PRELID2: variants seen among roughly 807,000 people sequenced by gnomAD.
PRELID2 encodes the protein PRELI domain-containing protein 2.
In PRELID2, 25 loss-of-function variants were observed where a neutral mutation model predicts 28.4. The observed-to-expected ratio is 0.88, with a 90% CI of 0.64 to 1.23. The LOEUF (loss-of-function observed/expected upper bound fraction) is 1.23, where lower values mean the gene tolerates loss of function less well. PRELID2 is among the 50% of genes most tolerant of loss of function. The pLI is 0.00. For synonymous variants in PRELID2, 76 were observed against 71.6 expected (o/e 1.06, Z -0.31); for missense variants, 201 against 214.4 (o/e 0.94, Z 0.39).
chr5:145,690,431 T>C (rs1581061294), intron 1 of PRELID2, among the ~76,000 whole-genome samples: 1 of 152,156 alleles, frequency 6.6e-6, no homozygotes, highest in Non-Finnish European at 1.5e-5. Flanking sequence ...GTTTAGGTGA[T>C]CCAGTGAAAC....
At chr5:145,366,292 C>A in the PRELID2 span, among the ~76,000 whole-genome samples, 2 of 152,010 alleles carry the variant, frequency 1.3e-5, no homozygotes, top group South Asian at 4.1e-4. Context: ...GCTCCATATT[C>A]ATGTTTCTGC....
At chr5:145,399,198 G>A in the PRELID2 span, among the ~76,000 whole-genome samples, 3 of 152,098 alleles carry the variant, frequency 2.0e-5, no homozygotes, top group Non-Finnish European at 2.9e-5. Context: ...GTTATCTAGA[G>A]GATAGTCTGT....
the PRELID2 span, among the ~76,000 whole-genome samples, chr5:145,407,615 T>C: frequency 0.67 from 101,659 of 151,964 alleles, 34,504 homozygotes; most frequent in Non-Finnish European, 0.72. Context: ...TCTTGACGAA[T>C]ATAGGGCAAA....
the PRELID2 span, among the ~76,000 whole-genome samples, chr5:145,268,729 G>C: frequency 6.6e-6 from 1 of 151,908 alleles, no homozygotes; most frequent in Non-Finnish European, 1.5e-5. Context: ...AAAGTATAAA[G>C]GTTGAAATAA....
chr5:145,392,533 G>T, the PRELID2 span, among the ~76,000 whole-genome samples: 1 of 152,136 alleles, frequency 6.6e-6, no homozygotes, highest in African/African-American at 2.4e-5. Context: ...GAGAGCGTAT[G>T]TAGTAAAAAG....
At chr5:145,518,134 G>GTAT (rs1477492171) in intron 1 of PRELID2, among the ~76,000 whole-genome samples, 1 of 108,410 alleles carries the variant, frequency 9.2e-6, no homozygotes, top group African/African-American at 4.2e-5. Context: ...AGAACTTGAA[G>GTAT]TATAATAATA....
the PRELID2 span, among the ~76,000 whole-genome samples, chr5:145,449,743 G>T: frequency 4.6e-5 from 7 of 152,058 alleles, no homozygotes; most frequent in Non-Finnish European, 7.4e-5. Flanking sequence ...TACTCTGAAG[G>T]CTCCAATAGC....
At chr5:145,585,193 C>A (rs544076414) in intron 1 of PRELID2, among the ~76,000 whole-genome samples, 2 of 152,198 alleles carry the variant, frequency 1.3e-5, no homozygotes, top group Admixed American at 1.3e-4. Flanking sequence ...GAAAAGAAAA[C>A]CAAACACCAC....
the PRELID2 span, among the ~76,000 whole-genome samples, chr5:145,459,558 C>T: frequency 1.3e-5 from 2 of 152,066 alleles, no homozygotes; most frequent in African/African-American, 4.8e-5. Context: ...TTTAAGGCTA[C>T]TTAATTAACA....
At chr5:145,369,629 A>G in the PRELID2 span, among the ~76,000 whole-genome samples, 1 of 152,114 alleles carries the variant, frequency 6.6e-6, no homozygotes, top group East Asian at 1.9e-4. Context: ...TTCTTTGGGT[A>G]TATACCCAGT....
chr5:145,537,029 T>C (rs1334704699), intron 1 of PRELID2, among the ~76,000 whole-genome samples: 1 of 151,892 alleles, frequency 6.6e-6, no homozygotes, highest in Non-Finnish European at 1.5e-5. Flanking sequence ...AGAAAACTGA[T>C]AAAACAAAGA....
intron 1 of PRELID2, among the ~76,000 whole-genome samples, chr5:145,825,579 A>G (rs913542785): frequency 1.4e-4 from 21 of 152,258 alleles, no homozygotes; most frequent in African/African-American, 5.1e-4. Flanking sequence ...TAACTAAACT[A>G]TAAAAGACGT....
chr5:145,609,617 C>G (rs1323292131), intron 1 of PRELID2, among the ~76,000 whole-genome samples: 1 of 152,240 alleles, frequency 6.6e-6, no homozygotes, highest in Non-Finnish European at 1.5e-5. Context: ...GTTGAAAGCT[C>G]TAGCAGCTGT....
intron 1 of PRELID2, among the ~76,000 whole-genome samples, chr5:145,634,547 A>C (rs1753974953): frequency 6.6e-6 from 1 of 152,198 alleles, no homozygotes; most frequent in Admixed American, 6.5e-5. Context: ...ATTAACTCCA[A>C]GTCAGTTCCT....
the PRELID2 span, among the ~76,000 whole-genome samples, chr5:145,367,304 T>C: frequency 1.3e-5 from 2 of 151,948 alleles, no homozygotes; most frequent in Admixed American, 6.6e-5. Context: ...CTTTATTTTT[T>C]AGACCAGTTT....
the PRELID2 span, among the ~76,000 whole-genome samples, chr5:145,405,615 A>C: frequency 6.6e-6 from 1 of 151,876 alleles, no homozygotes; most frequent in East Asian, 1.9e-4. Flanking sequence ...GAAGCTTAGA[A>C]TCATGGCAGA....
At chr5:145,474,837 A>T (rs1325405473) in intron 1 of PRELID2, among the ~76,000 whole-genome samples, 1 of 152,188 alleles carries the variant, frequency 6.6e-6, no homozygotes, top group African/African-American at 2.4e-5. Flanking sequence ...TGACAAAAAA[A>T]TAGTCTAGTG....
At chr5:145,442,737 C>G in the PRELID2 span, among the ~76,000 whole-genome samples, 13 of 152,082 alleles carry the variant, frequency 8.5e-5, no homozygotes, top group Admixed American at 7.9e-4. Context: ...TACAATATAG[C>G]GTGTGCATCA....
At chr5:145,743,603 A>C (rs200344904) in intron 1 of PRELID2, among the ~76,000 whole-genome samples, 1 of 151,290 alleles carries the variant, frequency 6.6e-6, no homozygotes, top group Non-Finnish European at 1.5e-5. Flanking sequence ...GGGAATCCCC[A>C]CCCCCCAGCC....
Sources: gnomAD v4.1 joint callset for allele counts (sites outside exome capture counted in the v4.1 genomes callset) on GRCh38, gnomAD v4.1.1 for gene constraint, MANE v1.5 for transcripts, NCBI Gene and HGNC (gene_info 2026-07-23, HGNC 2026-07-21) for gene names.